ST3GAL3: variants seen among roughly 807,000 people sequenced by gnomAD.
ST3GAL3 encodes the protein CMP-N-acetylneuraminate-beta-1,4-galactoside alpha-2,3-sialyltransferase.
In ST3GAL3, 21 loss-of-function variants were observed where a neutral mutation model predicts 50.1. That is an observed-to-expected ratio of 0.42 (90% CI 0.30 to 0.60). ST3GAL3 has a LOEUF of 0.60. Among genes scored for constraint, ST3GAL3 ranks in the 20% least tolerant of loss-of-function variants. The pLI is 0.19. For synonymous variants in ST3GAL3, 183 were observed against 190.0 expected (o/e 0.96, Z 0.30); for missense variants, 353 against 489.4 (o/e 0.72, Z 2.63).
chr1:43,731,943 G>A (rs1676110803), intron 1 of ST3GAL3, among the ~76,000 whole-genome samples: 2 of 152,176 alleles, frequency 1.3e-5, no homozygotes, highest in South Asian at 4.1e-4. Flanking sequence ...CTCCCAAAGT[G>A]CTGGGATTAC....
intron 5 of ST3GAL3, chr1:43,851,364 A>G: frequency 3.2e-6 from 5 of 1,585,154 alleles, no homozygotes; most frequent in East Asian, 2.2e-5. Context: ...GTTACACTCA[A>G]AGTTTGCAGG....
chr1:43,867,617 T>C (rs940821936), intron 5 of ST3GAL3, among the ~76,000 whole-genome samples: 1 of 39,534 alleles, frequency 2.5e-5, no homozygotes, highest in Non-Finnish European at 7.6e-5. Flanking sequence ...ATTGGCAGCT[T>C]GTAAACAAAT....
intron 9 of ST3GAL3, among the ~76,000 whole-genome samples, chr1:43,906,945 A>C (rs984651813): frequency 5.3e-5 from 8 of 152,170 alleles, no homozygotes; most frequent in African/African-American, 1.4e-4. Context: ...CTCAGATCTC[A>C]CTGCCTCAGG....
chr1:43,770,349 G>C (rs985840209), intron 2 of ST3GAL3, among the ~76,000 whole-genome samples: 24 of 152,074 alleles, frequency 1.6e-4, no homozygotes, highest in African/African-American at 5.8e-4. Context: ...AGCTGTGTGC[G>C]TAAATTAACA....
chr1:43,858,311 G>A, intron 5 of ST3GAL3: 1 of 1,270,070 alleles, frequency 7.9e-7, no homozygotes, highest in Non-Finnish European at 1.0e-6. Flanking sequence ...TGGGAAAGGT[G>A]GGGCTTCGGC....
At chr1:43,746,020 G>T (rs1052032172) in intron 2 of ST3GAL3, among the ~76,000 whole-genome samples, 3 of 152,162 alleles carry the variant, frequency 2.0e-5, no homozygotes, top group Non-Finnish European at 4.4e-5. Context: ...TATGATATTT[G>T]CACAATGACG....
chr1:43,875,920 C>A (rs2073974115), intron 5 of ST3GAL3, among the ~76,000 whole-genome samples: 1 of 44,002 alleles, frequency 2.3e-5, no homozygotes, highest in Non-Finnish European at 5.2e-5. Flanking sequence ...TCTTCTTCTT[C>A]TTCTTCTTCT....
chr1:43,815,431 G>A (rs910165332), intron 4 of ST3GAL3, among the ~76,000 whole-genome samples: 1 of 151,972 alleles, frequency 6.6e-6, no homozygotes, highest in Non-Finnish European at 1.5e-5. Flanking sequence ...TTCTTTCCTT[G>A]CTAGCCCACT....
intron 4 of ST3GAL3, among the ~76,000 whole-genome samples, chr1:43,822,257 G>T (rs2062196856): frequency 6.6e-6 from 1 of 152,210 alleles, no homozygotes; most frequent in Non-Finnish European, 1.5e-5. Context: ...GAAGGAGCCA[G>T]ATCCTGGTGT....
At chr1:43,817,797 TCTC>T (rs1331991940) in intron 4 of ST3GAL3, among the ~76,000 whole-genome samples, 4 of 117,952 alleles carry the variant, frequency 3.4e-5, no homozygotes, top group African/African-American at 1.3e-4. Flanking sequence ...TCCTCCTCCT[TCTC>T]CTCCTCCTTC....
At chr1:43,734,527 C>G (rs1677501335) in intron 1 of ST3GAL3, among the ~76,000 whole-genome samples, 1 of 152,150 alleles carries the variant, frequency 6.6e-6, no homozygotes, top group East Asian at 1.9e-4. Flanking sequence ...CTAGGCTGGC[C>G]TCAAACTCCA....
chr1:43,749,350 T>C (rs1009445896), intron 2 of ST3GAL3, among the ~76,000 whole-genome samples: 1 of 152,182 alleles, frequency 6.6e-6, no homozygotes, highest in African/African-American at 2.4e-5. Flanking sequence ...AATTGTTCCA[T>C]CAAGTAAATA....
At position 43,761,950 on chromosome 1, in the gene ST3GAL3, C is replaced by CAAAAA. The variant is rs67747915; in HGVS notation, c.118+25595_118+25599dup. On this transcript the variant is annotated intron_variant, in intron 2 of 11. Coordinates refer to ENST00000347631, the MANE Select transcript of ST3GAL3 (RefSeq NM_006279.5). ...TGGGCAACAGAGCGACACTCTGTCT[C>CAAAAA]AAAAAAAAAAAAAAAAAAAAAAAAA... Among the ~76,000 whole-genome samples the CAAAAA allele has an allele frequency of 1.0e-3, 69 of 68,844 alleles. 3 individuals carry two copies. The highest frequency in any genetic ancestry group is 6.5e-3 in the African/African-American group (67 of 10,358). The allele number at this position is 68,844 out of a possible 152,430, so 45.2% of individuals were successfully genotyped here. A position where few individuals can be genotyped will look rare whatever the true frequency, so the allele number is the denominator to read the frequency against.
intron 2 of ST3GAL3, among the ~76,000 whole-genome samples, chr1:43,778,047 A>G (rs763664964): frequency 6.4e-4 from 97 of 152,356 alleles, no homozygotes; most frequent in Non-Finnish European, 7.2e-4. Context: ...TCAATGATAG[A>G]CTGGATAAAG....
chr1:43,817,813 CTCCTCCTTCTCT>C lies in ST3GAL3; in HGVS notation c.209+2885_209+2896del, dbSNP rs1415504557. 2.5e-3 allele frequency among the ~76,000 whole-genome samples: 323 copies of C among 130,870 alleles called. 3 individuals are homozygous for C. The highest frequency in any genetic ancestry group is 8.2e-3 in the South Asian group (30 of 3,642). 85.9% of individuals were successfully genotyped at this position (130,870 alleles called of 152,430 possible). A position where few individuals can be genotyped will look rare whatever the true frequency, so the allele number is the denominator to read the frequency against. ...CCTCCTCCTTCTCCTCCTCCTTCTC[CTCCTCCTTCTCT>C]TCCTTCCTCCTTCTTCTTCTCCTTC... On this transcript the variant is annotated intron_variant, in intron 4 of 11. Transcript: ENST00000347631.
chr1:43,765,980 T>C (rs1297619042), intron 2 of ST3GAL3, among the ~76,000 whole-genome samples: 1 of 152,126 alleles, frequency 6.6e-6, no homozygotes, highest in East Asian at 1.9e-4. Context: ...TGAGCTTCTC[T>C]GTGCTTGAAG....
chr1:43,875,932 CTTCTTCTTCTTCTTCTTCTTATTA>C (rs762666399), intron 5 of ST3GAL3, among the ~76,000 whole-genome samples: 14,589 of 70,872 alleles, frequency 0.21, 941 homozygotes, highest in Non-Finnish European at 0.26. Context: ...TCTTCTTCTT[CTTCTTCTTCTTCTTCTTCTTATTA>C]TTATTATTAT....
chr1:43,906,732 A>G (rs2079842174), intron 9 of ST3GAL3, among the ~76,000 whole-genome samples: 1 of 151,848 alleles, frequency 6.6e-6, no homozygotes, highest in African/African-American at 2.4e-5. Flanking sequence ...TCCTTCTGTC[A>G]TCACTATCAT....
At chr1:43,928,475 C>G (rs2084415340) in intron 11 of ST3GAL3, among the ~76,000 whole-genome samples, 1 of 152,080 alleles carries the variant, frequency 6.6e-6, no homozygotes, top group Non-Finnish European at 1.5e-5. Flanking sequence ...TGGCAGGCAC[C>G]TGTAGTTCCA....
Sources: gnomAD v4.1 joint callset for allele counts (sites outside exome capture counted in the v4.1 genomes callset) on GRCh38, gnomAD v4.1.1 for gene constraint, MANE v1.5 for transcripts, NCBI Gene and HGNC (gene_info 2026-07-23, HGNC 2026-07-21) for gene names.